The following FAM135B variants were observed in gnomAD, a reference collection of about 807,000 sequenced individuals.
The protein encoded by FAM135B is protein FAM135B.
A neutral mutation model predicts 127.7 loss-of-function variants in FAM135B; 43 were observed. The observed-to-expected ratio is 0.34, with a 90% CI of 0.26 to 0.43. The LOEUF (loss-of-function observed/expected upper bound fraction) is 0.43. Among genes scored for constraint, FAM135B ranks in the 20% least tolerant of loss-of-function variants. FAM135B has a pLI of 1.00. For synonymous variants in FAM135B, 670 were observed against 665.1 expected, an observed-to-expected ratio of 1.01 and a Z score of -0.11; for missense variants, 1,558 against 1,725.6, an observed-to-expected ratio of 0.90 and a Z score of 1.72.
chr8:138,273,963 C>T (rs1823604429), intron 3 of FAM135B, among the ~76,000 whole-genome samples: 1 of 152,194 alleles, frequency 6.6e-6, no homozygotes, highest in African/African-American at 2.4e-5. Flanking sequence ...AGCCCTATCT[C>T]TCTCCTGAGT....
rs1221846551 is a variant in FAM135B at position 138,152,086 on chromosome 8, C to G, written c.2389G>C (p.Glu797Gln). The change falls in exon 13 of 20, where the codon GAA (glutamate) becomes CAA (glutamine). Residue 797 changes from glutamate (E) to glutamine (Q), a missense_variant. Physicochemically the swap from Glu to Gln is conservative, Grantham distance 29 (BLOSUM62 2). This residue lies in a region of FAM135B where 923 missense variants were observed against 865.3 expected (regional missense o/e 1.07). Transcript: ENST00000395297. ...DTKQQDGGFA[E>Q]PSDMHSKSQG... ...CTCTTGCTGTGCATATCTGAAGGTTCAGCAAAACCTCCATCTTGCTGCTTG... is the reference window on the plus strand; with the variant it reads ...CTCTTGCTGTGCATATCTGAAGGTTGAGCAAAACCTCCATCTTGCTGCTTG... The G allele has an allele frequency of 6.2e-7, 1 of 1,613,930 alleles. No individual in the cohort carries two copies. The highest frequency in any genetic ancestry group is 1.7e-5 in the Admixed American group (1 of 60,024).
chr8:138,224,604 G>A (rs968501694), intron 7 of FAM135B, among the ~76,000 whole-genome samples: 1 of 152,136 alleles, frequency 6.6e-6, no homozygotes, highest in East Asian at 1.9e-4. Flanking sequence ...GTACTACACT[G>A]TAGCTATACC....
At chr8:138,167,869 G>C (rs751667556) in intron 12 of FAM135B, 26 bp downstream of exon 12, 1 of 1,590,454 alleles carries the variant, frequency 6.3e-7, no homozygotes, top group Non-Finnish European at 8.6e-7. Flanking sequence ...TTATTCCTGA[G>C]TCTTTCCAAA....
chr8:138,462,564 G>A (rs892871408), intron 1 of FAM135B, among the ~76,000 whole-genome samples: 15 of 152,174 alleles, frequency 9.9e-5, no homozygotes, highest in Non-Finnish European at 1.5e-5. Flanking sequence ...ACTGGGGAGA[G>A]GAGGGCAGGG....
At chr8:138,207,847 G>C (rs1817822550) in intron 7 of FAM135B, among the ~76,000 whole-genome samples, 1 of 152,168 alleles carries the variant, frequency 6.6e-6, no homozygotes, top group African/African-American at 2.4e-5. Context: ...GGGTAGCCTG[G>C]TGAAGGAGGC....
chr8:138,338,895 T>C (rs573139517), intron 2 of FAM135B, among the ~76,000 whole-genome samples: 94 of 151,906 alleles, frequency 6.2e-4, no homozygotes, highest in Admixed American at 1.7e-3. Context: ...ATTAAGAAAA[T>C]GTGGCACATA....
chr8:138,217,648 G>T (rs1818671197), intron 7 of FAM135B, among the ~76,000 whole-genome samples: 1 of 152,094 alleles, frequency 6.6e-6, no homozygotes, highest in Admixed American at 6.5e-5. Flanking sequence ...AGCCAGGATG[G>T]TCTCAATCTC....
intron 11 of FAM135B, among the ~76,000 whole-genome samples, chr8:138,174,692 C>T (rs1814266669): frequency 6.6e-6 from 1 of 152,180 alleles, no homozygotes; most frequent in African/African-American, 2.4e-5. Flanking sequence ...AGAGGATAAA[C>T]ATTACAATCT....
intron 11 of FAM135B, among the ~76,000 whole-genome samples, chr8:138,169,856 AT>A (rs758965600): frequency 1.2e-4 from 19 of 152,344 alleles, no homozygotes; most frequent in Non-Finnish European, 2.6e-4. Context: ...AAGTTATGTT[AT>A]GCAGGCTGTG....
At chr8:138,159,118 A>G (rs1586639525) in intron 12 of FAM135B, among the ~76,000 whole-genome samples, 3 of 147,318 alleles carry the variant, frequency 2.0e-5, no homozygotes, top group South Asian at 4.6e-4. Context: ...TAAAAATACA[A>G]AAAATTAGCC....
At chr8:138,206,860 C>A (rs1246437350) in intron 7 of FAM135B, among the ~76,000 whole-genome samples, 5 of 151,768 alleles carry the variant, frequency 3.3e-5, no homozygotes, top group African/African-American at 9.7e-5. Flanking sequence ...GCTCTATCAT[C>A]CCCTCCACCT....
chr8:138,278,358 G>A (rs924732095), intron 3 of FAM135B, among the ~76,000 whole-genome samples: 3 of 151,404 alleles, frequency 2.0e-5, no homozygotes, highest in Non-Finnish European at 4.4e-5. Context: ...CATCTGCATG[G>A]GTGTCAGCCA....
intron 7 of FAM135B, among the ~76,000 whole-genome samples, chr8:138,210,251 C>G (rs892919069): frequency 3.9e-5 from 6 of 152,116 alleles, no homozygotes; most frequent in African/African-American, 1.4e-4. Context: ...TTTAATTATA[C>G]AAGGCATTAA....
At chr8:138,472,183 T>C (rs1433094785) in intron 1 of FAM135B, among the ~76,000 whole-genome samples, 6 of 152,062 alleles carry the variant, frequency 3.9e-5, no homozygotes, top group Admixed American at 3.9e-4. Flanking sequence ...AATGTAGGGA[T>C]GGCCATTTGG....
intron 1 of FAM135B, among the ~76,000 whole-genome samples, chr8:138,465,466 T>C (rs1407865531): frequency 6.6e-6 from 1 of 152,086 alleles, no homozygotes; most frequent in Non-Finnish European, 1.5e-5. Flanking sequence ...ATCCAAATGC[T>C]TTGTCCTTTT....
At chr8:138,272,856 AT>A (rs1823492615) in intron 3 of FAM135B, among the ~76,000 whole-genome samples, 1 of 152,242 alleles carries the variant, frequency 6.6e-6, no homozygotes, top group Non-Finnish European at 1.5e-5. Flanking sequence ...GTGTAGGCAC[AT>A]AGATTTGAGT....
intron 2 of FAM135B, among the ~76,000 whole-genome samples, chr8:138,366,909 G>A (rs1587249301): frequency 6.6e-6 from 1 of 152,124 alleles, no homozygotes; most frequent in Non-Finnish European, 1.5e-5. Flanking sequence ...GAGATTTTGT[G>A]TATTTCCCCT....
At chr8:138,468,375 CT>C (rs1197847721) in intron 1 of FAM135B, among the ~76,000 whole-genome samples, 1 of 152,166 alleles carries the variant, frequency 6.6e-6, no homozygotes, top group Non-Finnish European at 1.5e-5. Flanking sequence ...TCATGACTCT[CT>C]ATCTATGGAC....
At chr8:138,133,359 T>C (rs969798821) in intron 19 of FAM135B, among the ~76,000 whole-genome samples, 5 of 152,330 alleles carry the variant, frequency 3.3e-5, no homozygotes, top group African/African-American at 1.2e-4. Context: ...AGTGACACAG[T>C]TGCAATTTTG....
Sources: gnomAD v4.1 joint callset for allele counts (sites outside exome capture counted in the v4.1 genomes callset) on GRCh38, gnomAD v4.1.1 for gene constraint, gnomAD v4.1.1 regional missense constraint, MANE v1.5 for transcripts, NCBI Gene and HGNC (gene_info 2026-07-23, HGNC 2026-07-21) for gene names.